ADAD1: variants seen among roughly 807,000 people sequenced by gnomAD.
ADAD1 encodes adenosine deaminase domain containing 1.
ADAD1 carries 46 observed loss-of-function variants against 66.8 expected under a neutral mutation model. The ratio of observed to expected loss-of-function variants is 0.69; its 90% CI spans 0.54 to 0.88. ADAD1 has a LOEUF of 0.88. Among genes scored for constraint, ADAD1 ranks in the 40% least tolerant of loss-of-function variants. ADAD1 has a pLI of 0.00. For missense variants in ADAD1, 617 were observed against 681.8 expected, an observed-to-expected ratio of 0.91 and a Z score of 1.06; for synonymous variants, 248 against 229.4, an observed-to-expected ratio of 1.08 and a Z score of -0.73.
At chr4:122,392,627 C>T (rs2150547708) in intron 5 of ADAD1, among the ~76,000 whole-genome samples, 1 of 152,226 alleles carries the variant, frequency 6.6e-6, no homozygotes, top group Middle Eastern at 3.4e-3. Context: ...TGATGGAATC[C>T]ATACTCTAAA....
chr4:122,415,243 A>G (rs1261956276), intron 10 of ADAD1, 136 bp from the exon 11 acceptor site: 2 of 659,052 alleles, frequency 3.0e-6, no homozygotes, highest in Non-Finnish European at 5.1e-6. Flanking sequence ...ATGCTAAGAG[A>G]ATAGAACTAG....
At chr4:122,397,102 GAGAA>G (rs1285474698) in intron 7 of ADAD1, among the ~76,000 whole-genome samples, 1 of 152,144 alleles carries the variant, frequency 6.6e-6, no homozygotes, top group African/African-American at 2.4e-5. Flanking sequence ...TTTTTGCAGA[GAGAA>G]AGGAATGAGG....
chr4:122,396,461 A>G (rs1218501681), intron 7 of ADAD1, 84 bp downstream of exon 7: 3 of 1,142,134 alleles, frequency 2.6e-6, no homozygotes, highest in African/African-American at 1.6e-5. Flanking sequence ...CCTGTACACA[A>G]TGGTGTTGCA....
intron 7 of ADAD1, among the ~76,000 whole-genome samples, chr4:122,404,352 G>A (rs1010915807): frequency 1.3e-5 from 2 of 152,132 alleles, no homozygotes; most frequent in African/African-American, 4.8e-5. Context: ...TGGGGACTGG[G>A]ATCTCCTACA....
chr4:122,385,197 G>C (rs560412288), intron 5 of ADAD1, among the ~76,000 whole-genome samples: 1 of 151,916 alleles, frequency 6.6e-6, no homozygotes, highest in East Asian at 1.9e-4. Flanking sequence ...AAAATTTTGA[G>C]CTCATCACTG....
chr4:122,401,026 C>A (rs1246809526), intron 7 of ADAD1, among the ~76,000 whole-genome samples: 2 of 151,842 alleles, frequency 1.3e-5, no homozygotes, highest in African/African-American at 4.8e-5. Flanking sequence ...TTTATTATAT[C>A]TTTTCTTCTG....
intron 5 of ADAD1, among the ~76,000 whole-genome samples, chr4:122,388,500 A>C (rs917619490): frequency 2.0e-5 from 3 of 152,002 alleles, no homozygotes; most frequent in African/African-American, 7.3e-5. Context: ...CTGGTCCTGG[A>C]CTTTTTTTTG....
intron 11 of ADAD1, among the ~76,000 whole-genome samples, chr4:122,417,448 A>G (rs1257567571): frequency 4.6e-5 from 7 of 152,198 alleles, no homozygotes; most frequent in African/African-American, 1.7e-4. Flanking sequence ...TATAGACAGT[A>G]TAATTTATAC....
In ADAD1 at chr4:122,411,255, C is replaced by CA. The variant is rs762357002; in HGVS notation, c.887dup (p.Asn296LysfsTer17). 4.4e-6 allele frequency: 7 copies of CA among 1,608,148 alleles called. No individual in the cohort carries two copies. Among genetic ancestry groups the CA allele is most frequent in the Non-Finnish European group, 5.1e-6 (6 of 1,178,348 alleles). On this transcript the variant is annotated frameshift_variant, in exon 9 of 13. Coordinates refer to ENST00000296513, the MANE Select transcript of ADAD1 (RefSeq NM_139243.4). LOFTEE classifies it high-confidence loss of function. ...ATAGACAACTTCTGCTCTTCTACAG[C>CA]AAAAATCCTGCTATGATGGAAAAAT... is the stretch of plus-strand genomic sequence containing the variant.
intron 12 of ADAD1, among the ~76,000 whole-genome samples, chr4:122,423,606 G>A (rs1455771121): frequency 6.6e-6 from 1 of 151,778 alleles, no homozygotes; most frequent in African/African-American, 2.4e-5. Flanking sequence ...AAAAAAATTT[G>A]AAAAAGAAAA....
At chr4:122,420,475 A>T (rs1796951258) in intron 11 of ADAD1, among the ~76,000 whole-genome samples, 3 of 152,254 alleles carry the variant, frequency 2.0e-5, no homozygotes, top group South Asian at 4.1e-4. Flanking sequence ...CTCCAGGCCT[A>T]GATTCAGAAT....
intron 5 of ADAD1, among the ~76,000 whole-genome samples, chr4:122,386,343 T>C (rs545022213): frequency 6.6e-6 from 1 of 152,374 alleles, no homozygotes; most frequent in Admixed American, 6.5e-5. Flanking sequence ...ATAAATGTCT[T>C]CTTTTGAGAA....
chr4:122,426,440 T>C (rs1049634160), intron 12 of ADAD1, among the ~76,000 whole-genome samples: 2 of 152,182 alleles, frequency 1.3e-5, no homozygotes, highest in Non-Finnish European at 1.5e-5. Flanking sequence ...ACAAAAGCTC[T>C]TTCAGAAAAT....
chr4:122,413,254 A>AT (rs1449564795), intron 10 of ADAD1, among the ~76,000 whole-genome samples: 33 of 152,280 alleles, frequency 2.2e-4, no homozygotes, highest in African/African-American at 7.7e-4. Context: ...ATTTTAAAGC[A>AT]TTATTTTACT....
chr4:122,415,643 A>G (rs748601865), intron 11 of ADAD1, 27 bp downstream of exon 11: 2 of 1,573,014 alleles, frequency 1.3e-6, no homozygotes, highest in Admixed American at 3.4e-5. Context: ...TCTTTAAACC[A>G]TATATTACTT....
intron 10 of ADAD1, among the ~76,000 whole-genome samples, chr4:122,414,045 C>A (rs1302877475): frequency 1.3e-5 from 2 of 150,140 alleles, no homozygotes; most frequent in East Asian, 3.9e-4. Context: ...GATTGAGCCT[C>A]AAGATGTATT....
At chr4:122,415,336 T>G (rs1430674574) in intron 10 of ADAD1, 43 bp from the exon 11 acceptor site, 1 of 1,439,570 alleles carries the variant, frequency 6.9e-7, no homozygotes, top group Non-Finnish European at 9.6e-7. Context: ...TTTTGGGATG[T>G]TCTTTTAATA....
intron 4 of ADAD1, among the ~76,000 whole-genome samples, chr4:122,382,981 A>T (rs559895751): frequency 2.8e-4 from 43 of 152,316 alleles, no homozygotes; most frequent in African/African-American, 9.9e-4. Flanking sequence ...GTGTGGCAGC[A>T]TTGTATGTAG....
chr4:122,402,494 G>A (rs1317239688), intron 7 of ADAD1, among the ~76,000 whole-genome samples: 1 of 152,068 alleles, frequency 6.6e-6, no homozygotes, highest in Admixed American at 6.6e-5. Flanking sequence ...TTTTTGTGAT[G>A]AATTTCCCAG....
Sources: allele counts gnomAD v4.1 joint callset (sites outside exome capture counted in the v4.1 genomes callset), GRCh38; gene constraint gnomAD v4.1.1; transcripts MANE v1.5; gene names NCBI Gene and HGNC (gene_info 2026-07-23, HGNC 2026-07-21).